Variants in GRIA2 observed in about 807,000 individuals in gnomAD.
The protein encoded by GRIA2 is glutamate ionotropic receptor AMPA type subunit 2.
In GRIA2, 14 loss-of-function variants were observed where a neutral mutation model predicts 97.3. The observed-to-expected ratio is 0.14, with a 90% CI of 0.10 to 0.23. The LOEUF is 0.23. Among genes scored for constraint, GRIA2 ranks in the 10% least tolerant of loss-of-function variants. The pLI is 1.00. For missense variants in GRIA2, 558 were observed against 1,069.8 expected (o/e 0.52, Z 6.67); for synonymous variants, 412 against 387.8 (o/e 1.06, Z -0.73).
chr4:157,234,492 A>T (rs1730157131), intron 2 of GRIA2, among the ~76,000 whole-genome samples: 1 of 152,152 alleles, frequency 6.6e-6, no homozygotes. Context: ...CAATGGATAA[A>T]TAACAAGAAC....
intron 4 of GRIA2, among the ~76,000 whole-genome samples, chr4:157,315,360 G>C (rs1281347460): frequency 6.8e-6 from 1 of 146,626 alleles, no homozygotes; most frequent in African/African-American, 2.5e-5. Context: ...GGCAAAAAAT[G>C]AGGATAAGGT....
At chr4:157,245,497 A>G (rs1441754172) in intron 2 of GRIA2, among the ~76,000 whole-genome samples, 1 of 151,556 alleles carries the variant, frequency 6.6e-6, no homozygotes, top group Non-Finnish European at 1.5e-5. Flanking sequence ...AATTAAGACC[A>G]GGTTTTTTTT....
upstream of GRIA2, chr4:157,220,556 G>A (rs1406191534): frequency 6.6e-6 from 1 of 152,354 alleles, no homozygotes; most frequent in Non-Finnish European, 1.5e-5. Context: ...GTGCGGGGGA[G>A]GGGGCGCGCG....
intron 9 of GRIA2, 94 bp from the exon 10 acceptor site, chr4:157,335,577 A>G: frequency 1.3e-6 from 1 of 743,626 alleles, no homozygotes; most frequent in African/African-American, 1.7e-5. Flanking sequence ...CACTCTGGCT[A>G]ATGGGTAATA....
chr4:157,264,289 G>T (rs1469647050), intron 2 of GRIA2, among the ~76,000 whole-genome samples: 1 of 152,040 alleles, frequency 6.6e-6, no homozygotes, highest in Non-Finnish European at 1.5e-5. Context: ...GGTGTCAGCA[G>T]GGCTGCTTTT....
intron 2 of GRIA2, among the ~76,000 whole-genome samples, chr4:157,294,293 C>T (rs1309963898): frequency 6.7e-6 from 1 of 150,252 alleles, no homozygotes; most frequent in Non-Finnish European, 1.5e-5. Context: ...TAGGTTTTAT[C>T]ATAGACTCTA....
At chr4:157,355,971 ATATATATATTTATATATT>A (rs1736317213) in intron 12 of GRIA2, among the ~76,000 whole-genome samples, 1 of 9,596 alleles carries the variant, frequency 1.0e-4, no homozygotes, top group African/African-American at 2.2e-4. Context: ...ATGTATATTA[ATATATATATTTATATATT>A]TATATATATT....
chr4:157,333,868 A>T, intron 8 of GRIA2, 142 bp from the exon 9 acceptor site: 1 of 548,384 alleles, frequency 1.8e-6, no homozygotes, highest in African/African-American at 1.9e-5. Flanking sequence ...AGATTCACAT[A>T]TATAAAAGAC....
chr4:157,321,715 A>G (rs1734578810), intron 6 of GRIA2, 116 bp downstream of exon 6: 10 of 647,938 alleles, frequency 1.5e-5, no homozygotes, highest in East Asian at 2.7e-5. Flanking sequence ...GTTTCAAAAT[A>G]TGGCAAACAT....
upstream of GRIA2, chr4:157,220,216 T>G: frequency 6.6e-6 from 1 of 152,144 alleles, no homozygotes; most frequent in East Asian, 1.9e-4. Flanking sequence ...AAATCAAAAT[T>G]ATTTGTAACG....
intron 6 of GRIA2, among the ~76,000 whole-genome samples, chr4:157,324,827 G>A (rs1734735427): frequency 6.6e-6 from 1 of 152,064 alleles, no homozygotes. Flanking sequence ...AGATTATATA[G>A]CACCCTCTAA....
At chr4:157,252,391 G>A (rs1363709305) in intron 2 of GRIA2, among the ~76,000 whole-genome samples, 2 of 152,044 alleles carry the variant, frequency 1.3e-5, no homozygotes, top group African/African-American at 4.8e-5. Flanking sequence ...TTTTTTAGAA[G>A]AATAAAGTAA....
intron 2 of GRIA2, among the ~76,000 whole-genome samples, chr4:157,276,188 T>A (rs544895867): frequency 1.3e-5 from 2 of 152,234 alleles, no homozygotes; most frequent in South Asian, 2.1e-4. Context: ...TGTATAAGAA[T>A]GCTTGTGATT....
At chr4:157,327,423 G>A in intron 6 of GRIA2, among the ~76,000 whole-genome samples, 1 of 152,038 alleles carries the variant, frequency 6.6e-6, no homozygotes, top group Admixed American at 6.6e-5. Context: ...AGTTAATGTA[G>A]TTATCTGACC....
chr4:157,253,900 GA>G (rs1731124797), intron 2 of GRIA2, among the ~76,000 whole-genome samples: 1 of 152,026 alleles, frequency 6.6e-6, no homozygotes, highest in Non-Finnish European at 1.5e-5. Flanking sequence ...AAACATTAGA[GA>G]AAAAGGTTCT....
At chr4:157,242,187 A>G (rs1401300279) in intron 2 of GRIA2, among the ~76,000 whole-genome samples, 2 of 152,090 alleles carry the variant, frequency 1.3e-5, no homozygotes, top group African/African-American at 2.4e-5. Context: ...GATAACCTTC[A>G]TATCTAGAAT....
intron 2 of GRIA2, among the ~76,000 whole-genome samples, chr4:157,224,234 A>G (rs188017352): frequency 6.6e-6 from 1 of 152,182 alleles, no homozygotes; most frequent in African/African-American, 2.4e-5. Context: ...ATGGATTATT[A>G]TAGTAGGATA....
intron 2 of GRIA2, among the ~76,000 whole-genome samples, chr4:157,254,189 A>G (rs568659494): frequency 1.3e-5 from 2 of 152,162 alleles, no homozygotes; most frequent in South Asian, 2.1e-4. Flanking sequence ...TAATCTACCA[A>G]TGATTTGAAA....
chr4:157,221,711 C>A lies in GRIA2; in HGVS notation c.133C>A (p.Arg45=), dbSNP rs2126669277. The part of the protein sequence containing the change: ...RGADQEYSAF[R]VGMVQFSTSE... ...CGCCGATCAAGAATACAGTGCATTTCGAGTAGGGATGGTTCAGTTTTCCAC... is the reference window on the plus strand; with the variant it reads ...CGCCGATCAAGAATACAGTGCATTTAGAGTAGGGATGGTTCAGTTTTCCAC... The change falls in exon 2 of 16, where the codon CGA becomes AGA. Residue 45 remains arginine, a synonymous_variant. Coordinates refer to ENST00000264426, the MANE Select transcript of GRIA2 (RefSeq NM_001083619.3). The A allele has an allele frequency of 6.2e-7, 1 of 1,614,010 alleles. No individual in the cohort carries two copies. The highest frequency in any genetic ancestry group is 1.1e-5 in the South Asian group (1 of 91,078).
Sources: gnomAD v4.1 joint callset for allele counts (sites outside exome capture counted in the v4.1 genomes callset) on GRCh38, gnomAD v4.1.1 for gene constraint, MANE v1.5 for transcripts, NCBI Gene and HGNC (gene_info 2026-07-23, HGNC 2026-07-21) for gene names.